Variants in ATRNL1 observed in about 807,000 individuals in gnomAD.
ATRNL1 encodes attractin like 1.
In ATRNL1, 95 loss-of-function variants were observed where a neutral mutation model predicts 182.7. The ratio of observed to expected loss-of-function variants is 0.52; its 90% CI spans 0.44 to 0.62. The LOEUF (loss-of-function observed/expected upper bound fraction) is 0.62. ATRNL1 is among the 20% of genes least tolerant of loss of function. The pLI is 0.00. For synonymous variants in ATRNL1, 576 were observed against 568.3 expected (o/e 1.01, Z -0.19); for missense variants, 1,471 against 1,679.5 (o/e 0.88, Z 2.17).
At chr10:115,279,418 A>G (rs1852257243) in intron 13 of ATRNL1, among the ~76,000 whole-genome samples, 1 of 152,106 alleles carries the variant, frequency 6.6e-6, no homozygotes, top group African/African-American at 2.4e-5. Context: ...TTGTTTGTTG[A>G]TTTCTTAAAA....
chr10:115,451,456 T>C (rs1847276876), intron 21 of ATRNL1, among the ~76,000 whole-genome samples: 1 of 152,066 alleles, frequency 6.6e-6, no homozygotes, highest in Non-Finnish European at 1.5e-5. Flanking sequence ...GCAAAGGACA[T>C]GAACAGAAAC....
At chr10:115,804,707 T>C (rs1460539951) in intron 27 of ATRNL1, among the ~76,000 whole-genome samples, 1 of 152,162 alleles carries the variant, frequency 6.6e-6, no homozygotes, top group African/African-American at 2.4e-5. Context: ...ATCCTTAAAA[T>C]AAAAACCAAG....
chr10:115,104,038 C>A (rs971470582), intron 1 of ATRNL1, among the ~76,000 whole-genome samples: 1 of 152,096 alleles, frequency 6.6e-6, no homozygotes, highest in Non-Finnish European at 1.5e-5. Context: ...TACTGATTTC[C>A]TTTCTTTTAG....
chr10:115,561,184 C>G (rs565231629), intron 26 of ATRNL1, among the ~76,000 whole-genome samples: 1 of 152,174 alleles, frequency 6.6e-6, no homozygotes, highest in East Asian at 1.9e-4. Flanking sequence ...TTAAAAGACA[C>G]CATGAAGAAA....
At chr10:115,430,436 T>A (rs1846104445) in intron 21 of ATRNL1, among the ~76,000 whole-genome samples, 1 of 152,144 alleles carries the variant, frequency 6.6e-6, no homozygotes, top group Non-Finnish European at 1.5e-5. Context: ...TTTTACAGAA[T>A]TTATGAATTC....
At chr10:115,167,247 C>G (rs1055184781) in intron 7 of ATRNL1, among the ~76,000 whole-genome samples, 5 of 151,346 alleles carry the variant, frequency 3.3e-5, no homozygotes, top group Non-Finnish European at 4.4e-5. Flanking sequence ...CTATTTTATT[C>G]TATTGATCTA....
intron 21 of ATRNL1, among the ~76,000 whole-genome samples, chr10:115,437,295 C>T (rs558287106): frequency 4.6e-5 from 7 of 152,078 alleles, no homozygotes; most frequent in South Asian, 2.1e-4. Context: ...ATGTAAGATA[C>T]GGTCTTTATC....
chr10:115,920,252 A>G (rs1460083729), intron 28 of ATRNL1, among the ~76,000 whole-genome samples: 1 of 152,182 alleles, frequency 6.6e-6, no homozygotes, highest in East Asian at 1.9e-4. Flanking sequence ...ACCTTCACGG[A>G]TATCCAGCAG....
intron 19 of ATRNL1, among the ~76,000 whole-genome samples, chr10:115,355,024 G>C (rs1554942464): frequency 6.6e-6 from 1 of 151,896 alleles, no homozygotes; most frequent in Non-Finnish European, 1.5e-5. Context: ...GTTTATTTCA[G>C]TGTCTTTGTT....
intron 18 of ATRNL1, among the ~76,000 whole-genome samples, chr10:115,327,466 G>A (rs1854961159): frequency 6.6e-6 from 1 of 151,696 alleles, no homozygotes; most frequent in African/African-American, 2.4e-5. Context: ...GGAGAAATAG[G>A]AACACTTTTA....
intron 21 of ATRNL1, among the ~76,000 whole-genome samples, chr10:115,434,894 C>A (rs1447154009): frequency 6.6e-6 from 1 of 152,130 alleles, no homozygotes; most frequent in Non-Finnish European, 1.5e-5. Context: ...GCCACTAAAT[C>A]AATGAACAAG....
At chr10:115,381,014 G>A (rs1564979192) in intron 19 of ATRNL1, among the ~76,000 whole-genome samples, 1 of 152,092 alleles carries the variant, frequency 6.6e-6, no homozygotes, top group Non-Finnish European at 1.5e-5. Flanking sequence ...AGCAGTTCAT[G>A]TGTGTTTCTA....
At chr10:115,499,245 C>T (rs1849696265) in intron 24 of ATRNL1, among the ~76,000 whole-genome samples, 1 of 152,078 alleles carries the variant, frequency 6.6e-6, no homozygotes, top group Non-Finnish European at 1.5e-5. Context: ...AAATTATACT[C>T]TTCAAGAAAC....
Position 115,173,015 on chromosome 10 carries a change from C to G in ATRNL1, c.1348+1723C>G, listed in dbSNP as rs1414665199. On this transcript the variant is annotated intron_variant, in intron 8 of 28. Transcript: ENST00000355044. ...CTCTCTCCTCAAGTTTCAAACACTT[C>G]CTTCTCTATCATCACTCGCAATTGA... Among the ~76,000 whole-genome samples, 4 of 151,872 alleles carry G rather than the reference C, an allele frequency of 2.6e-5. No homozygotes were observed. The Admixed American group carries it at 2.6e-4, about 10-fold the overall frequency.
intron 5 of ATRNL1, among the ~76,000 whole-genome samples, chr10:115,136,722 A>G (rs1845530212): frequency 6.6e-6 from 1 of 152,074 alleles, no homozygotes. Flanking sequence ...GGCCTTTTTG[A>G]CTTGACAAGA....
chr10:115,860,850 T>C (rs1555103342), intron 28 of ATRNL1, among the ~76,000 whole-genome samples: 1 of 152,214 alleles, frequency 6.6e-6, no homozygotes, highest in East Asian at 1.9e-4. Flanking sequence ...CAGCTAATTA[T>C]GCTCCCTATA....
At chr10:115,363,925 T>G (rs1268601687) in intron 19 of ATRNL1, among the ~76,000 whole-genome samples, 1 of 151,780 alleles carries the variant, frequency 6.6e-6, no homozygotes, top group Non-Finnish European at 1.5e-5. Context: ...ACTGTAGCCT[T>G]GTAGTATAGT....
intron 19 of ATRNL1, among the ~76,000 whole-genome samples, chr10:115,382,848 T>C (rs1048726602): frequency 6.6e-6 from 1 of 152,068 alleles, no homozygotes; most frequent in African/African-American, 2.4e-5. Flanking sequence ...ATGTGAGTTT[T>C]TAAAAAAATG....
At chr10:115,703,090 C>T (rs1178089837) in intron 26 of ATRNL1, among the ~76,000 whole-genome samples, 6 of 151,834 alleles carry the variant, frequency 4.0e-5, no homozygotes, top group Non-Finnish European at 7.4e-5. Flanking sequence ...AGATAGAGAT[C>T]GCAGAAGTAA....
Sources: gnomAD v4.1 joint callset for allele counts (sites outside exome capture counted in the v4.1 genomes callset) on GRCh38, gnomAD v4.1.1 for gene constraint, MANE v1.5 for transcripts, NCBI Gene and HGNC (gene_info 2026-07-23, HGNC 2026-07-21) for gene names.